TMEM233: variants seen among roughly 807,000 people sequenced by gnomAD.
The protein encoded by TMEM233 is dispanin subfamily B member 2.
Under a neutral mutation model 11.2 loss-of-function variants are expected in TMEM233, and 6 were observed. The ratio of observed to expected loss-of-function variants is 0.54; its 90% CI spans 0.29 to 1.06. The LOEUF (loss-of-function observed/expected upper bound fraction) is 1.06, where lower values mean the gene tolerates loss of function less well. Among genes scored for constraint, TMEM233 ranks in the 50% least tolerant of loss-of-function variants. The pLI is 0.08. For synonymous variants in TMEM233, 59 were observed against 55.8 expected (o/e 1.06, Z -0.26); for missense variants, 127 against 144.7 (o/e 0.88, Z 0.63).
At chr12:119,643,491 G>A (rs1269353198), downstream of TMEM233, among the ~76,000 whole-genome samples, 1 of 152,198 alleles carries the variant, frequency 6.6e-6, no homozygotes, top group Non-Finnish European at 1.5e-5. Context: ...ATTGGTGGCC[G>A]GGCGCGGTGG....
chr12:119,594,067 G>C lies in TMEM233; in HGVS notation c.186+33G>C. ...AATCACGGCCAGAGGCAGCCTGGGA[G>C]GAGAGACCCGGGCGGCTTTGAGCCC... On this transcript the variant is annotated intron_variant, in intron 1 of 2. Transcript: ENST00000426426. This position sits in a 1 kb window ranked among gnomAD's most constrained non-coding sequence, Gnocchi z 5.6. The C allele has an allele frequency of 2.6e-6, 4 of 1,547,200 alleles. No individual in the cohort carries two copies. Among genetic ancestry groups the C allele is most frequent in the Non-Finnish European group, 3.5e-6 (4 of 1,144,266 alleles).
chr12:119,594,226 C>A lies in TMEM233; in HGVS notation c.186+192C>A. ...CTCTCCCCGCAATCATCAGCACCTCCTCTGCACTCCTCGTGGTACTCAGAG... is the reference window on the plus strand; with the variant it reads ...CTCTCCCCGCAATCATCAGCACCTCATCTGCACTCCTCGTGGTACTCAGAG... On this transcript the variant is annotated intron_variant, in intron 1 of 2. Coordinates refer to ENST00000426426, the MANE Select transcript of TMEM233 (RefSeq NM_001136534.3). This position sits in a 1 kb window ranked among gnomAD's most constrained non-coding sequence, Gnocchi z 5.6. 1 of 602,600 alleles carries A rather than the reference C, an allele frequency of 1.7e-6. No homozygotes were observed. The highest frequency in any genetic ancestry group is 2.9e-6 in the Non-Finnish European group (1 of 341,060). 37.3% of individuals were successfully genotyped at this position (602,600 alleles called of 1,614,324 possible).
the TMEM233 span, among the ~76,000 whole-genome samples, chr12:119,654,003 TAAATGCAAAGGAA>T: frequency 6.9e-6 from 1 of 145,260 alleles, no homozygotes; most frequent in Non-Finnish European, 1.5e-5. Flanking sequence ...CCAATCAGGA[TAAATGCAAAGGAA>T]AACACACCTA....
At chr12:119,648,492 C>A in the TMEM233 span, among the ~76,000 whole-genome samples, 2 of 152,228 alleles carry the variant, frequency 1.3e-5, no homozygotes, top group Non-Finnish European at 2.9e-5. Context: ...TTCAGAGGTG[C>A]CTTCTCTGAT....
intron 2 of TMEM233, among the ~76,000 whole-genome samples, chr12:119,635,399 G>C (rs1184145000): frequency 6.6e-6 from 1 of 152,190 alleles, no homozygotes; most frequent in Non-Finnish European, 1.5e-5. Flanking sequence ...TACTATCCTA[G>C]GGCTTGCATT....
intron 1 of TMEM233, among the ~76,000 whole-genome samples, chr12:119,619,406 C>T (rs760991368): frequency 2.0e-5 from 3 of 152,008 alleles, no homozygotes; most frequent in South Asian, 4.1e-4. Flanking sequence ...TTTCGGAGGC[C>T]GAGGCAGGCA....
Position 119,593,784 on chromosome 12 carries a change from G to T in TMEM233, c.-65G>T. ...TTTCAGAGCCTCGCCACAAGCCGGC[G>T]GCCAGAGCCCCAGACCACACAGACC... On this transcript the variant is annotated 5_prime_UTR_variant, in exon 1 of 3. Transcript: ENST00000426426. The surrounding 1 kb of genome is among the most constrained non-coding windows in gnomAD (Gnocchi z 4.1). 6.8e-7 allele frequency: 1 copy of T among 1,474,416 alleles called. No individual in the cohort carries two copies. The highest frequency in any genetic ancestry group is 9.1e-7 in the Non-Finnish European group (1 of 1,100,564). The allele number at this position is 1,474,416 out of a possible 1,614,324, so 91.3% of individuals were successfully genotyped here. A position where few individuals can be genotyped will look rare whatever the true frequency, so the allele number is the denominator to read the frequency against.
chr12:119,633,259 T>C (rs927919395), intron 2 of TMEM233, among the ~76,000 whole-genome samples: 5 of 152,084 alleles, frequency 3.3e-5, no homozygotes, highest in African/African-American at 1.2e-4. Flanking sequence ...AAGGTCAAAT[T>C]CCTTCTAGAT....
At chr12:119,646,657 A>C (rs1226565803), downstream of TMEM233, among the ~76,000 whole-genome samples, 1 of 151,356 alleles carries the variant, frequency 6.6e-6, no homozygotes, top group East Asian at 1.9e-4. Flanking sequence ...TTTATTATCT[A>C]CCTCCTCCCC....
intron 1 of TMEM233, among the ~76,000 whole-genome samples, chr12:119,597,892 T>A (rs150565254): frequency 1.5e-3 from 231 of 152,342 alleles, no homozygotes; most frequent in Non-Finnish European, 2.5e-3. Context: ...TGGTAGCTCA[T>A]ATTGCATCGT....
rs1954883414 is a variant in TMEM233 at position 119,631,450 on chromosome 12, AG to A, written c.323+1579del. The A allele has an allele frequency of 1.1e-5, 11 of 964,174 alleles. No homozygotes were observed. In the South Asian group the frequency reaches 5.3e-4, roughly 46 times the overall value. The allele number at this position is 964,174 out of a possible 1,614,324, so 59.7% of individuals were successfully genotyped here. Reference sequence around the variant, plus strand: ...TGGGTAGAGGGGAAGATGTCAAAACAGAAGTGTCACAAAAGAAAATTAAATG... The same window carrying A: ...TGGGTAGAGGGGAAGATGTCAAAACAAAGTGTCACAAAAGAAAATTAAATG... On this transcript the variant is annotated intron_variant, in intron 2 of 2. Transcript: ENST00000426426.
chr12:119,600,702 T>G (rs1172894159), intron 1 of TMEM233, among the ~76,000 whole-genome samples: 4 of 152,180 alleles, frequency 2.6e-5, no homozygotes, highest in Non-Finnish European at 5.9e-5. Flanking sequence ...GGACAAATAT[T>G]ATATGATTCC....
At chr12:119,652,597 G>C in the TMEM233 span, among the ~76,000 whole-genome samples, 1 of 152,162 alleles carries the variant, frequency 6.6e-6, no homozygotes, top group Non-Finnish European at 1.5e-5. Context: ...ACAGGTTAGA[G>C]TTTGGGGCCC....
chr12:119,648,900 T>C, the TMEM233 span, among the ~76,000 whole-genome samples: 2 of 152,214 alleles, frequency 1.3e-5, no homozygotes, highest in African/African-American at 2.4e-5. Context: ...ACCAAGGTAT[T>C]GGCTGTAAAT....
chr12:119,618,279 G>A (rs149659071), intron 1 of TMEM233, among the ~76,000 whole-genome samples: 126 of 152,336 alleles, frequency 8.3e-4, no homozygotes, highest in African/African-American at 2.9e-3. Context: ...TTTGCTGCAG[G>A]GGCAGAGCCC....
At position 119,593,963 on chromosome 12, in the gene TMEM233, T is replaced by C; in HGVS notation, c.115T>C (p.Trp39Arg). The change falls in exon 1 of 3, where the codon TGG becomes CGG. Residue 39 changes from tryptophan to arginine, a missense_variant. By Grantham distance (101) the Trp-to-Arg change is moderately radical (BLOSUM62 -3). Transcript: ENST00000426426. The surrounding 1 kb of genome is among the most constrained non-coding windows in gnomAD (Gnocchi z 4.1). ...CGTGCCCATGCCCAAGAACTACCTG[T>C]GGCTCACCATCGTCTCGTGTTTTTG... ...EDVPMPKNYL[W>R]LTIVSCFCPA... 1 of 1,551,726 alleles carries C rather than the reference T, an allele frequency of 6.4e-7. No individual in the cohort carries two copies. Among genetic ancestry groups the C allele is most frequent in the Non-Finnish European group, 8.7e-7 (1 of 1,146,970 alleles).
intron 2 of TMEM233, among the ~76,000 whole-genome samples, chr12:119,633,289 A>T (rs1205004251): frequency 6.6e-6 from 1 of 152,146 alleles, no homozygotes; most frequent in Non-Finnish European, 1.5e-5. Context: ...TCTGTTATTA[A>T]AGAAAACAGG....
At chr12:119,600,583 A>G (rs1249101801) in intron 1 of TMEM233, among the ~76,000 whole-genome samples, 1 of 152,254 alleles carries the variant, frequency 6.6e-6, no homozygotes, top group African/African-American at 2.4e-5. Context: ...TGTTATATAC[A>G]TGAAATTGAA....
chr12:119,627,427 C>A (rs1490795584), intron 1 of TMEM233, among the ~76,000 whole-genome samples: 1 of 152,198 alleles, frequency 6.6e-6, no homozygotes, highest in African/African-American at 2.4e-5. Flanking sequence ...CATGGTTCTG[C>A]AGGCTAAACA....
Sources: gnomAD v4.1 joint callset for allele counts (sites outside exome capture counted in the v4.1 genomes callset) on GRCh38, gnomAD v4.1.1 for gene constraint, Gnocchi (gnomAD v3.1) non-coding constraint, MANE v1.5 for transcripts, NCBI Gene and HGNC (gene_info 2026-07-23, HGNC 2026-07-21) for gene names.